The following ADHFE1 variants were observed in gnomAD, a reference collection of about 807,000 sequenced individuals.
The protein encoded by ADHFE1 is hydroxyacid-oxoacid transhydrogenase, mitochondrial.
ADHFE1 carries 37 observed loss-of-function variants against 54.8 expected under a neutral mutation model. The ratio of observed to expected loss-of-function variants is 0.68; its 90% confidence interval spans 0.52 to 0.89. ADHFE1 has a LOEUF of 0.89. Ranked by LOEUF, ADHFE1 falls within the 40% of genes least tolerant of loss-of-function variation. The pLI, the probability that ADHFE1 is intolerant of heterozygous loss-of-function variation, is 0.00. For missense variants in ADHFE1, 601 were observed against 591.2 expected, an observed-to-expected ratio of 1.02 and a Z score of -0.17; for synonymous variants, 203 against 229.3, an observed-to-expected ratio of 0.89 and a Z score of 1.04.
At chr8:66,438,039 T>C (rs1401724141) in intron 1 of ADHFE1, among the ~76,000 whole-genome samples, 3 of 151,614 alleles carry the variant, frequency 2.0e-5, no homozygotes, top group Non-Finnish European at 4.4e-5. Flanking sequence ...AACCCAGAGA[T>C]GGAGTGAGTT....
Position 66,452,116 on chromosome 8 carries a change from C to A in ADHFE1, c.887+11C>A, listed in dbSNP as rs1806330718. 14 of 1,613,392 alleles carry A rather than the reference C, an allele frequency of 8.7e-6. No homozygotes were observed. The highest frequency in any genetic ancestry group is 1.2e-5 in the Non-Finnish European group (14 of 1,179,802). On this transcript the variant is annotated intron_variant, in intron 9 of 13. Coordinates refer to ENST00000396623, the MANE Select transcript of ADHFE1 (RefSeq NM_144650.3). ...TAAGTATCTGAAGAGGTATGTCACC[C>A]CGAAGGGGATAGAAATAGAACAGGA...
At position 66,439,809 on chromosome 8, in the gene ADHFE1, C is replaced by G. The variant is rs557210178; in HGVS notation, c.60-353C>G. ...ACCTTGGGCCGATTTGGTCAACGCTCCTAACCCAGTAAGAGCTGGGGCTTC... is the reference window on the plus strand; with the variant it reads ...ACCTTGGGCCGATTTGGTCAACGCTGCTAACCCAGTAAGAGCTGGGGCTTC... On this transcript the variant is annotated intron_variant, in intron 1 of 13. Coordinates refer to ENST00000396623, the MANE Select transcript of ADHFE1 (RefSeq NM_144650.3). This position sits in a 1 kb window ranked among gnomAD's most constrained non-coding sequence, Gnocchi z 4.4. 2,419 of 1,103,100 alleles carry G rather than the reference C, an allele frequency of 2.2e-3. 5 individuals are homozygous for G. The highest frequency in any genetic ancestry group is 2.4e-3 in the Non-Finnish European group (2,167 of 900,970). 68.3% of individuals were successfully genotyped at this position (1,103,100 alleles called of 1,614,324 possible). A position where few individuals can be genotyped will look rare whatever the true frequency, so the allele number is the denominator to read the frequency against.
chr8:66,456,033 G>A (rs984768570), intron 10 of ADHFE1, among the ~76,000 whole-genome samples: 22 of 151,986 alleles, frequency 1.4e-4, no homozygotes, highest in African/African-American at 2.9e-4. Flanking sequence ...TTCACTAAGC[G>A]TGGTGGCTGG....
intron 1 of ADHFE1, among the ~76,000 whole-genome samples, chr8:66,434,521 A>T (rs1319707630): frequency 3.3e-5 from 5 of 152,250 alleles, no homozygotes; most frequent in African/African-American, 1.2e-4. Context: ...TTATTATTCT[A>T]ATAGGGTAAA....
intron 10 of ADHFE1, 121 bp downstream of exon 10, chr8:66,454,278 T>C (rs1806456746): frequency 3.2e-6 from 3 of 946,750 alleles, no homozygotes; most frequent in Non-Finnish European, 4.7e-6. Flanking sequence ...AATTTAACTT[T>C]ATGTTCCTAA....
chr8:66,444,466 A>G (rs1395406927), intron 4 of ADHFE1, 46 bp downstream of exon 4: 3 of 1,609,798 alleles, frequency 1.9e-6, no homozygotes, highest in East Asian at 4.5e-5. Context: ...AATGTTACAT[A>G]TCTCACAAGA....
At position 66,439,153 on chromosome 8, in the gene ADHFE1, C is replaced by A; in HGVS notation, c.60-1009C>A. On this transcript the variant is annotated intron_variant, in intron 1 of 13. Transcript: ENST00000396623. This position sits in a 1 kb window ranked among gnomAD's most constrained non-coding sequence, Gnocchi z 4.4. ...CCGCGTCTGCTTTGACTTCGCAGTT[C>A]GAATTTTTGAGATCTGGACGGCCAC... 9.2e-6 allele frequency: 9 copies of A among 980,588 alleles called. No individual in the cohort carries two copies. The highest frequency in any genetic ancestry group is 1.1e-5 in the Non-Finnish European group (9 of 825,572). 60.7% of individuals were successfully genotyped at this position (980,588 alleles called of 1,614,324 possible).
rs142885020 is a variant in ADHFE1, at chr8:66,447,339, T to A, written c.626T>A (p.Ile209Asn). The change falls in exon 7 of 14, where the codon ATT (isoleucine) becomes AAT (asparagine). Residue 209 changes from isoleucine (I) to asparagine (N), a missense_variant and splice_region_variant. Transcript: ENST00000396623. ...IFDYEHLKVK[I>N]GITSRAIKPT... Reference sequence around the variant, plus strand: ...GACTATGAACACTTGAAAGTAAAAATTGGTAAGAACCATACTTTTGAATTA... The same window carrying A: ...GACTATGAACACTTGAAAGTAAAAAATGGTAAGAACCATACTTTTGAATTA... The A allele has an allele frequency of 1.9e-6, 3 of 1,611,046 alleles. No homozygotes were observed. The highest frequency in any genetic ancestry group is 2.7e-5 in the African/African-American group (2 of 74,862).
Position 66,432,592 on chromosome 8 carries a change from C to T in ADHFE1, c.59+17C>T, listed in dbSNP as rs751708046. The T allele has an allele frequency of 1.0e-5, 13 of 1,303,716 alleles. No homozygotes were observed. Among genetic ancestry groups the T allele is most frequent in the Admixed American group, 3.7e-5 (1 of 26,828 alleles). 80.8% of individuals were successfully genotyped at this position (1,303,716 alleles called of 1,614,324 possible). A position where few individuals can be genotyped will look rare whatever the true frequency, so the allele number is the denominator to read the frequency against. ...ACGCGCAGCGTGAGTGCGGGGCCGG[C>T]GGGCGGGCAGGGGACCGCAGGGTGC... On this transcript the variant is annotated intron_variant, in intron 1 of 13. Transcript: ENST00000396623.
At chr8:66,453,430 C>G (rs900285562) in intron 9 of ADHFE1, among the ~76,000 whole-genome samples, 72 of 152,294 alleles carry the variant, frequency 4.7e-4, no homozygotes, top group African/African-American at 1.7e-3. Context: ...GGCTTCTTCC[C>G]TGGGGCAAGG....
intron 2 of ADHFE1, among the ~76,000 whole-genome samples, chr8:66,441,972 A>C (rs1805770272): frequency 7.0e-6 from 1 of 143,496 alleles, no homozygotes; most frequent in Non-Finnish European, 1.5e-5. Context: ...ACTCCATCTC[A>C]AAAAAAAAAA....
intron 13 of ADHFE1, among the ~76,000 whole-genome samples, chr8:66,467,072 G>T (rs1941848883): frequency 6.6e-6 from 1 of 152,266 alleles, no homozygotes; most frequent in African/African-American, 2.4e-5. Context: ...CCTCTGGGGG[G>T]CAAGAATGGA....
chr8:66,441,132 A>C (rs1438712482), intron 2 of ADHFE1, among the ~76,000 whole-genome samples: 1 of 152,252 alleles, frequency 6.6e-6, no homozygotes, highest in Non-Finnish European at 1.5e-5. Context: ...ACAATTAGTT[A>C]ATTTCCTATT....
chr8:66,448,502 G>A lies in ADHFE1; in HGVS notation c.629-363G>A, dbSNP rs542096010. ...GTAAGTTGCAGAGCGAGGACCAGTG[G>A]TGTGCTAGTAAACTGGCTCTCTGGC... On this transcript the variant is annotated intron_variant, in intron 7 of 13. Coordinates refer to ENST00000396623, the MANE Select transcript of ADHFE1 (RefSeq NM_144650.3). Among the ~76,000 whole-genome samples the A allele has an allele frequency of 1.1e-4, 16 of 152,316 alleles. No individual in the cohort carries two copies. The South Asian group carries it at 3.3e-3, about 32-fold the overall frequency.
At chr8:66,454,234 G>A (rs1301720770) in intron 10 of ADHFE1, 77 bp downstream of exon 10, 2 of 1,433,432 alleles carry the variant, frequency 1.4e-6, no homozygotes, top group Non-Finnish European at 9.6e-7. Context: ...ATTCAGGACA[G>A]GTGGTAAAAT....
chr8:66,436,857 C>T (rs972810344), intron 1 of ADHFE1, among the ~76,000 whole-genome samples: 2 of 152,066 alleles, frequency 1.3e-5, no homozygotes, highest in Non-Finnish European at 2.9e-5. Flanking sequence ...GCAGCCAGTG[C>T]GATGAGAAGA....
At chr8:66,458,852 T>C (rs1030751358) in intron 12 of ADHFE1, among the ~76,000 whole-genome samples, 14 of 152,244 alleles carry the variant, frequency 9.2e-5, no homozygotes, top group African/African-American at 3.1e-4. Flanking sequence ...TGCAGAGATT[T>C]CGATGGTGTT....
chr8:66,461,965 TA>T (rs149125765), intron 13 of ADHFE1, among the ~76,000 whole-genome samples: 4,661 of 152,100 alleles, frequency 0.031, 134 homozygotes, highest in African/African-American at 0.054. Flanking sequence ...ACCAAATCAC[TA>T]AAAAAATCAC....
chr8:66,466,236 A>ATTTTTTTT (rs575459850), intron 13 of ADHFE1, among the ~76,000 whole-genome samples: 5 of 119,650 alleles, frequency 4.2e-5, no homozygotes, highest in Non-Finnish European at 5.0e-5. Context: ...ACCCAGCTGA[A>ATTTTTTTT]TTTTTTTTTT....
Sources: allele counts gnomAD v4.1 joint callset (sites outside exome capture counted in the v4.1 genomes callset), GRCh38; gene constraint gnomAD v4.1.1; non-coding constraint Gnocchi (gnomAD v3.1); transcripts MANE v1.5; gene names NCBI Gene and HGNC (gene_info 2026-07-23, HGNC 2026-07-21).